The following AHCYL2 variants were observed in gnomAD, a reference collection of about 807,000 sequenced individuals.
The protein encoded by AHCYL2 is adenosylhomocysteinase like 2.
A neutral mutation model predicts 81.4 loss-of-function variants in AHCYL2; 28 were observed. That is an observed-to-expected ratio of 0.34 (90% CI 0.25 to 0.47). AHCYL2 has a LOEUF of 0.47. AHCYL2 is among the 20% of genes least tolerant of loss of function. The pLI is 1.00. For synonymous variants in AHCYL2, 272 were observed against 290.2 expected, an observed-to-expected ratio of 0.94 and a Z score of 0.64; for missense variants, 551 against 785.1, an observed-to-expected ratio of 0.70 and a Z score of 3.56.
intron 1 of AHCYL2, among the ~76,000 whole-genome samples, chr7:129,261,636 A>T (rs1795648560): frequency 6.6e-6 from 1 of 152,208 alleles, no homozygotes; most frequent in Admixed American, 6.5e-5. Flanking sequence ...ACCCCACCGT[A>T]GGCTAACATA....
At chr7:129,225,671 G>A (rs1794186825) in intron 1 of AHCYL2, among the ~76,000 whole-genome samples, 1 of 152,124 alleles carries the variant, frequency 6.6e-6, no homozygotes, top group Non-Finnish European at 1.5e-5. Context: ...CATGGAGGTA[G>A]CGCTCTCCCC....
intron 1 of AHCYL2, among the ~76,000 whole-genome samples, chr7:129,348,453 A>G (rs1346413811): frequency 2.0e-5 from 3 of 151,590 alleles, no homozygotes; most frequent in African/African-American, 7.3e-5. Context: ...ACAAGAATGC[A>G]CAAGTAAGAT....
rs1794720629 is a variant in AHCYL2, at chr7:129,238,574, A to G, written c.363+13135A>G. On this transcript the variant is annotated intron_variant, in intron 1 of 16. Transcript: ENST00000325006. ...ATAACTAAATACAGTGTAGTTTGAT[A>G]TAAGCAATACTGGAAACAGGAATTG... Among the ~76,000 whole-genome samples, 3 of 152,330 alleles carry G rather than the reference A, an allele frequency of 2.0e-5. 1 individual carries two copies. The South Asian group carries it at 6.2e-4, about 32-fold the overall frequency.
intron 2 of AHCYL2, among the ~76,000 whole-genome samples, chr7:129,385,031 T>C (rs1795141569): frequency 6.6e-6 from 1 of 152,232 alleles, no homozygotes; most frequent in South Asian, 2.1e-4. Context: ...CTCAGTGATA[T>C]ATTTCTGAAT....
chr7:129,380,067 G>T (rs1295405677), intron 2 of AHCYL2, among the ~76,000 whole-genome samples: 2 of 151,274 alleles, frequency 1.3e-5, no homozygotes, highest in African/African-American at 2.4e-5. Flanking sequence ...TATACTTGTG[G>T]TCTTTTTTTT....
At chr7:129,384,094 C>T (rs1465577873) in intron 2 of AHCYL2, among the ~76,000 whole-genome samples, 1 of 152,004 alleles carries the variant, frequency 6.6e-6, no homozygotes, top group African/African-American at 2.4e-5. Flanking sequence ...TCATGTTATA[C>T]ACATAAATAT....
chr7:129,375,543 G>A, intron 1 of AHCYL2: 1 of 1,042,544 alleles, frequency 9.6e-7, no homozygotes, highest in Non-Finnish European at 1.2e-6. Flanking sequence ...TGCAAGTTGG[G>A]CCTTGTCAAG....
intron 1 of AHCYL2, among the ~76,000 whole-genome samples, chr7:129,349,468 C>A (rs1292974500): frequency 2.2e-3 from 219 of 98,382 alleles, no homozygotes; most frequent in Middle Eastern, 0.011. Flanking sequence ...CCATCTCTAC[C>A]AAAAAAAAAA....
At chr7:129,420,521 C>T (rs1488232829) in intron 12 of AHCYL2, among the ~76,000 whole-genome samples, 2 of 150,874 alleles carry the variant, frequency 1.3e-5, no homozygotes, top group Admixed American at 6.6e-5. Flanking sequence ...CTGTTACCAC[C>T]CAGACTGGAG....
At chr7:129,273,555 C>A (rs1584730267) in intron 1 of AHCYL2, among the ~76,000 whole-genome samples, 1 of 147,674 alleles carries the variant, frequency 6.8e-6, no homozygotes, top group Non-Finnish European at 1.5e-5. Flanking sequence ...CTCGAACTCC[C>A]GACCTCAGGT....
At chr7:129,278,768 T>A (rs1796312835) in intron 1 of AHCYL2, among the ~76,000 whole-genome samples, 1 of 150,062 alleles carries the variant, frequency 6.7e-6, no homozygotes, top group Admixed American at 6.6e-5. Context: ...AAGCTCTTTT[T>A]TTTTTTTTTT....
At chr7:129,312,554 GT>G (rs1797694647) in intron 1 of AHCYL2, among the ~76,000 whole-genome samples, 1 of 152,148 alleles carries the variant, frequency 6.6e-6, no homozygotes, top group Admixed American at 6.5e-5. Context: ...GATTACAGGT[GT>G]GAGCCACTAT....
intron 1 of AHCYL2, among the ~76,000 whole-genome samples, chr7:129,359,634 TC>T (rs1318134758): frequency 6.6e-6 from 1 of 152,216 alleles, no homozygotes; most frequent in African/African-American, 2.4e-5. Context: ...AAATGCAAAT[TC>T]CTTCCCACTC....
At chr7:129,408,280 C>T (rs1192372010) in intron 10 of AHCYL2, among the ~76,000 whole-genome samples, 1 of 152,118 alleles carries the variant, frequency 6.6e-6, no homozygotes, top group Non-Finnish European at 1.5e-5. Context: ...CCAGGGGTTA[C>T]TATAGTAATC....
At chr7:129,330,505 CTG>C in intron 1 of AHCYL2, among the ~76,000 whole-genome samples, 1 of 144,464 alleles carries the variant, frequency 6.9e-6, no homozygotes, top group Non-Finnish European at 1.5e-5. Flanking sequence ...GAGTCTCACT[CTG>C]TCGTCCAGGC....
intron 2 of AHCYL2, among the ~76,000 whole-genome samples, chr7:129,385,105 A>G (rs888209933): frequency 1.3e-5 from 2 of 152,220 alleles, no homozygotes; most frequent in African/African-American, 2.4e-5. Flanking sequence ...TCCCTTCTTC[A>G]CGATTGGTTC....
chr7:129,337,033 C>T (rs990444978), intron 1 of AHCYL2, among the ~76,000 whole-genome samples: 3 of 152,140 alleles, frequency 2.0e-5, no homozygotes, highest in Non-Finnish European at 4.4e-5. Context: ...AAGTGTGAAC[C>T]ACTACATGCT....
At chr7:129,386,588 A>G (rs1485057620) in intron 2 of AHCYL2, among the ~76,000 whole-genome samples, 2 of 152,246 alleles carry the variant, frequency 1.3e-5, no homozygotes, top group Non-Finnish European at 2.9e-5. Flanking sequence ...AGGTTTTAGA[A>G]TAGAGAAGTG....
intron 1 of AHCYL2, among the ~76,000 whole-genome samples, chr7:129,314,582 A>G (rs1797770300): frequency 6.6e-6 from 1 of 152,198 alleles, no homozygotes; most frequent in African/African-American, 2.4e-5. Flanking sequence ...GTCCTTGCAT[A>G]GTGGAAGGGA....
Sources: gnomAD v4.1 joint callset for allele counts (sites outside exome capture counted in the v4.1 genomes callset) on GRCh38, gnomAD v4.1.1 for gene constraint, MANE v1.5 for transcripts, NCBI Gene and HGNC (gene_info 2026-07-23, HGNC 2026-07-21) for gene names.